The following JAG1 variants were observed in gnomAD, a reference collection of about 807,000 sequenced individuals.
JAG1 encodes protein jagged-1.
JAG1 carries 23 observed loss-of-function variants against 148.7 expected under a neutral mutation model. The ratio of observed to expected loss-of-function variants is 0.15; its 90% CI spans 0.11 to 0.22. The LOEUF is 0.22. Ranked by LOEUF, JAG1 falls within the 10% of genes least tolerant of loss-of-function variation. The pLI, the probability that JAG1 is intolerant of heterozygous loss-of-function variation, is 1.00. For missense variants in JAG1, 1,054 were observed against 1,611.2 expected (o/e 0.65, Z 5.92); for synonymous variants, 572 against 598.3 (o/e 0.96, Z 0.64).
At chr20:10,665,907 A>G (rs1280977549) in intron 2 of JAG1, among the ~76,000 whole-genome samples, 2 of 152,214 alleles carry the variant, frequency 1.3e-5, no homozygotes, top group African/African-American at 4.8e-5. Context: ...CAAGCAGTCT[A>G]CCAGGCTCAT....
Position 10,647,969 on chromosome 20 carries a change from G to A in JAG1, c.1711C>T (p.Pro571Ser), listed in dbSNP as rs2067320800. 2 of 1,614,174 alleles carry A rather than the reference G, an allele frequency of 1.2e-6. No individual in the cohort carries two copies. The highest frequency in any genetic ancestry group is 4.5e-5 in the East Asian group (2 of 44,892). Residue 571 changes from proline to serine, a missense_variant, in exon 13 of 26, where the codon CCC becomes TCC. Physicochemically the swap from Pro to Ser is moderately conservative, Grantham distance 74. Coordinates refer to ENST00000254958, the MANE Select transcript of JAG1 (RefSeq NM_000214.3). ...GGGAGAAGGGAGGTACCTTCACAGG[G>A]GGTCGTGCGGCAGTGGTCTTTCAGG... ...SHLKDHCRTT[P>S]CEVIDSCTVA...
chr20:10,656,022 G>A (rs1238639159), intron 5 of JAG1, among the ~76,000 whole-genome samples: 2 of 152,204 alleles, frequency 1.3e-5, no homozygotes, highest in Non-Finnish European at 2.9e-5. Flanking sequence ...GAAAAGTCGG[G>A]GAGGGGGCTG....
At chr20:10,652,801 C>T (rs1186405771) in intron 5 of JAG1, 1 of 501,084 alleles carries the variant, frequency 2.0e-6, no homozygotes, top group Non-Finnish European at 3.6e-6. Flanking sequence ...CGACTCCTGA[C>T]AAAAGGAGGG....
intron 21 of JAG1, 32 bp from the exon 22 acceptor site, chr20:10,641,924 T>C (rs1259396271): frequency 2.1e-6 from 3 of 1,429,196 alleles, no homozygotes; most frequent in Non-Finnish European, 3.0e-6. Context: ...GCAGTTTATT[T>C]TTCTGTGAAC....
intron 2 of JAG1, among the ~76,000 whole-genome samples, chr20:10,670,341 T>C (rs1458225336): frequency 6.6e-6 from 1 of 152,116 alleles, no homozygotes; most frequent in Non-Finnish European, 1.5e-5. Flanking sequence ...CTGCTAGGGG[T>C]TGGGAGCCCA....
Position 10,639,589 on chromosome 20 carries a change from G to T in JAG1, c.3566C>A (p.Thr1189Lys). The change falls in exon 26 of 26, where the codon ACG becomes AAG. Residue 1189 changes from threonine to lysine, a missense_variant. Around this residue, in one of 6 missense-constraint regions of JAG1, gnomAD observed 177 missense variants for 177.3 expected, o/e 1.00. Transcript: ENST00000254958. ...VDREEKPPNG[T>K]PTKHPNWTNK... is the part of the protein sequence containing the mutation. The stretch of plus-strand genomic sequence containing the variant: ...TGTCCAGTTTGGGTGTTTTGTCGGC[G>T]TGCCGTTGGGGGGCTTCTCTTCTCT... 6.2e-7 allele frequency: 1 copy of T among 1,614,166 alleles called. No individual in the cohort carries two copies. The highest frequency in any genetic ancestry group is 8.5e-7 in the Non-Finnish European group (1 of 1,180,036).
At position 10,645,520 on chromosome 20, in the gene JAG1, A is replaced by G; in HGVS notation, c.2000-51T>C. ...CTGAAGACGAGATCCAGGACCATTC[A>G]CGACAGGCGAGAGCCAAGCCTTTCC... On this transcript the variant is annotated intron_variant, in intron 15 of 25. Transcript: ENST00000254958. The surrounding 1 kb of genome is among the most constrained non-coding windows in gnomAD (Gnocchi z 6.1). 6.9e-7 allele frequency: 1 copy of G among 1,451,450 alleles called. No homozygotes were observed. Among genetic ancestry groups the G allele is most frequent in the Middle Eastern group, 1.7e-4 (1 of 5,752 alleles). The allele number at this position is 1,451,450 out of a possible 1,614,324, so 89.9% of individuals were successfully genotyped here. A position where few individuals can be genotyped will look rare whatever the true frequency, so the allele number is the denominator to read the frequency against.
chr20:10,641,335 G>C (rs932424308), intron 23 of JAG1, 91 bp from the exon 24 acceptor site: 4 of 1,564,666 alleles, frequency 2.6e-6, no homozygotes, highest in Non-Finnish European at 3.5e-6. Context: ...CTAAGTTCAA[G>C]CTTACTTTAT....
At chr20:10,652,822 A>G in intron 5 of JAG1, 1 of 464,060 alleles carries the variant, frequency 2.2e-6, no homozygotes. Context: ...CTGTTTGGGA[A>G]GAGGCCAGCA....
Position 10,659,559 on chromosome 20 carries a change from C to CTTTTTTTTTTTTTTT in JAG1, c.440-852_440-838dup, listed in dbSNP as rs35826283. ...GGAAGCCAAGGAGACGATTAAGTTA[C>CTTTTTTTTTTTTTTT]TTTTTTTTTTTTTTTTTTTTTTTTT... On this transcript the variant is annotated intron_variant, in intron 3 of 25. Coordinates refer to ENST00000254958, the MANE Select transcript of JAG1 (RefSeq NM_000214.3). Among the ~76,000 whole-genome samples, 18 of 105,138 alleles carry CTTTTTTTTTTTTTTT rather than the reference C, an allele frequency of 1.7e-4. 7 individuals are homozygous for CTTTTTTTTTTTTTTT. The highest frequency in any genetic ancestry group is 2.6e-4 in the African/African-American group (7 of 27,194). The allele number at this position is 105,138 out of a possible 152,430, so 69.0% of individuals were successfully genotyped here. A position where few individuals can be genotyped will look rare whatever the true frequency, so the allele number is the denominator to read the frequency against.
intron 2 of JAG1, among the ~76,000 whole-genome samples, chr20:10,664,811 A>G (rs933586655): frequency 2.0e-5 from 3 of 152,336 alleles, no homozygotes; most frequent in African/African-American, 7.2e-5. Flanking sequence ...GGATACTGGC[A>G]AGATGCCAGC....
chr20:10,641,402 T>G (rs772527652), intron 23 of JAG1, 58 bp downstream of exon 23: 4 of 1,550,794 alleles, frequency 2.6e-6, no homozygotes, highest in Non-Finnish European at 3.5e-6. Flanking sequence ...GCATTCCTCC[T>G]TTAAAGCAAG....
intron 4 of JAG1, among the ~76,000 whole-genome samples, chr20:10,656,962 T>C (rs760828495): frequency 1.3e-5 from 2 of 151,778 alleles, no homozygotes; most frequent in African/African-American, 4.8e-5. Flanking sequence ...GCTGGACTCA[T>C]TGGGCAGGCT....
At chr20:10,652,852 G>C (rs1257024703) in intron 5 of JAG1, 6 of 418,062 alleles carry the variant, frequency 1.4e-5, no homozygotes, top group South Asian at 4.2e-5. Flanking sequence ...CCTTCACAAA[G>C]CCACTCTCTT....
At position 10,641,845 on chromosome 20, in the gene JAG1, C is replaced by A. The variant is rs755568827; in HGVS notation, c.2620G>T (p.Ala874Ser). 6.2e-7 allele frequency: 1 copy of A among 1,614,050 alleles called. No individual in the cohort carries two copies. The highest frequency in any genetic ancestry group is 8.5e-7 in the Non-Finnish European group (1 of 1,179,884). ...GTATTACAGTCATCATCCCATTTGG[C>A]CCCATCTGGTATCACACTCCCCATG... ...ITMGSVIPDG[A>S]KWDDDCNTCQ... Residue 874 changes from alanine to serine, a missense_variant, in exon 22 of 26, where the codon GCC becomes TCC. Physicochemically the swap from Ala to Ser is moderately conservative, Grantham distance 99 (BLOSUM62 1). Around this residue, in one of 6 missense-constraint regions of JAG1, gnomAD observed 342 missense variants for 514.6 expected, o/e 0.66. Coordinates refer to ENST00000254958, the MANE Select transcript of JAG1 (RefSeq NM_000214.3).
chr20:10,668,934 G>C (rs184110139), intron 2 of JAG1, among the ~76,000 whole-genome samples: 186 of 152,072 alleles, frequency 1.2e-3, no homozygotes, highest in Non-Finnish European at 2.1e-3. Flanking sequence ...GGAACTGGTG[G>C]GTTGCAAATT....
intron 4 of JAG1, 98 bp from the exon 5 acceptor site, chr20:10,656,556 C>T (rs796983067): frequency 8.2e-6 from 8 of 980,012 alleles, no homozygotes; most frequent in African/African-American, 4.8e-5. Flanking sequence ...GCAAATTCCA[C>T]GATTTTAACA....
At chr20:10,666,433 C>T (rs2067454622) in intron 2 of JAG1, among the ~76,000 whole-genome samples, 1 of 152,166 alleles carries the variant, frequency 6.6e-6, no homozygotes, top group Non-Finnish European at 1.5e-5. Context: ...CACATACAAG[C>T]AGCCACTGCA....
intron 2 of JAG1, among the ~76,000 whole-genome samples, chr20:10,666,650 C>G (rs562841360): frequency 6.6e-6 from 1 of 152,192 alleles, no homozygotes; most frequent in Non-Finnish European, 1.5e-5. Flanking sequence ...ACTGTGAAGG[C>G]CACACAGGAA....
Sources: allele counts gnomAD v4.1 joint callset (sites outside exome capture counted in the v4.1 genomes callset), GRCh38; gene constraint gnomAD v4.1.1; regional missense constraint gnomAD v4.1.1; non-coding constraint Gnocchi (gnomAD v3.1); transcripts MANE v1.5; gene names NCBI Gene and HGNC (gene_info 2026-07-23, HGNC 2026-07-21).